The following COL24A1 variants were observed in gnomAD, a reference collection of about 807,000 sequenced individuals.
The protein encoded by COL24A1 is collagen type XXIV alpha 1 chain.
COL24A1 carries 224 observed loss-of-function variants against 253.9 expected under a neutral mutation model. The observed-to-expected ratio is 0.88, with a 90% CI of 0.79 to 0.99. The LOEUF is 0.99. Ranked by LOEUF, COL24A1 falls within the 50% of genes least tolerant of loss-of-function variation. COL24A1 has a pLI of 0.00. For synonymous variants in COL24A1, 685 were observed against 673.7 expected (o/e 1.02, Z -0.26); for missense variants, 2,131 against 2,068.5 (o/e 1.03, Z -0.59).
At chr1:85,905,472 T>A (rs554122344) in intron 28 of COL24A1, among the ~76,000 whole-genome samples, 73 of 152,248 alleles carry the variant, frequency 4.8e-4, no homozygotes, top group African/African-American at 1.7e-3. Flanking sequence ...ATGTTTTCTG[T>A]ATGCCCAATG....
chr1:85,913,391 A>G (rs1044797976), intron 24 of COL24A1, among the ~76,000 whole-genome samples: 21 of 152,066 alleles, frequency 1.4e-4, no homozygotes, highest in African/African-American at 5.1e-4. Context: ...TCCTATAACT[A>G]GTATTTTGGG....
At chr1:85,748,143 T>C (rs996783967) in intron 55 of COL24A1, among the ~76,000 whole-genome samples, 5 of 152,256 alleles carry the variant, frequency 3.3e-5, no homozygotes, top group Admixed American at 1.3e-4. Context: ...TTGAAATTTC[T>C]CACTGGCATC....
Position 85,938,733 on chromosome 1 carries a change from A to G in COL24A1, c.2562+22516T>C, listed in dbSNP as rs758819794. On this transcript the variant is annotated intron_variant, in intron 24 of 59. Transcript: ENST00000370571. ...TGTGGCCCAAGCTGTCAGTAGCTTC[A>G]TGGTTTGCCTTAGTTCCAGAGAGCC... Among the ~76,000 whole-genome samples the G allele has an allele frequency of 1.1e-4, 16 of 146,484 alleles. 2 individuals carry two copies. Among genetic ancestry groups the G allele is most frequent in the Non-Finnish European group, 2.3e-4 (15 of 66,392 alleles).
chr1:85,815,991 CT>C (rs1673007308), intron 47 of COL24A1, among the ~76,000 whole-genome samples: 1 of 151,910 alleles, frequency 6.6e-6, no homozygotes, highest in African/African-American at 2.4e-5. Context: ...TATTGCATTA[CT>C]TTTTTCCCAT....
chr1:86,136,378 A>G (rs1041526413), intron 2 of COL24A1, among the ~76,000 whole-genome samples: 2 of 152,072 alleles, frequency 1.3e-5, no homozygotes, highest in African/African-American at 2.4e-5. Flanking sequence ...ACCTTATTCC[A>G]TATGGCATCT....
intron 5 of COL24A1, among the ~76,000 whole-genome samples, chr1:86,104,374 T>C (rs1704743196): frequency 6.6e-6 from 1 of 152,208 alleles, no homozygotes; most frequent in African/African-American, 2.4e-5. Context: ...ATTCTATTTC[T>C]GTCATTTCAG....
chr1:86,100,625 C>T (rs1704362399), intron 5 of COL24A1, among the ~76,000 whole-genome samples: 1 of 152,058 alleles, frequency 6.6e-6, no homozygotes, highest in Admixed American at 6.6e-5. Flanking sequence ...ACGCTGGGAT[C>T]CCTAAATAGC....
intron 47 of COL24A1, among the ~76,000 whole-genome samples, chr1:85,813,275 G>A (rs1387748654): frequency 6.6e-6 from 1 of 151,712 alleles, no homozygotes; most frequent in Non-Finnish European, 1.5e-5. Flanking sequence ...TAGGGGGAGG[G>A]GAATGAGAGT....
chr1:85,835,016 TG>T (rs936603162), intron 43 of COL24A1, among the ~76,000 whole-genome samples: 126 of 152,284 alleles, frequency 8.3e-4, no homozygotes, highest in African/African-American at 3.0e-3. Context: ...ATGATGTCCA[TG>T]GGGGCAGAGA....
intron 12 of COL24A1, 142 bp from the exon 13 acceptor site, chr1:86,034,065 C>A: frequency 1.9e-6 from 1 of 531,288 alleles, no homozygotes; most frequent in Non-Finnish European, 3.2e-6. Context: ...TTGCATAACA[C>A]GCTTAATTGA....
chr1:85,891,528 T>A (rs1683134498), intron 31 of COL24A1, among the ~76,000 whole-genome samples: 1 of 152,212 alleles, frequency 6.6e-6, no homozygotes, highest in Non-Finnish European at 1.5e-5. Flanking sequence ...TAAGTTATAA[T>A]CTTTAATGCT....
chr1:85,921,924 T>C (rs1360528986), intron 24 of COL24A1, among the ~76,000 whole-genome samples: 1 of 151,980 alleles, frequency 6.6e-6, no homozygotes, highest in Non-Finnish European at 1.5e-5. Flanking sequence ...CCTTGAAAAA[T>C]GATTAGATGA....
intron 53 of COL24A1, among the ~76,000 whole-genome samples, chr1:85,770,761 A>T (rs574328861): frequency 6.6e-6 from 1 of 152,178 alleles, no homozygotes; most frequent in African/African-American, 2.4e-5. Flanking sequence ...GCATCCTAGA[A>T]ATGAGGGAAG....
intron 47 of COL24A1, among the ~76,000 whole-genome samples, chr1:85,812,367 C>T (rs1672636964): frequency 6.6e-6 from 1 of 152,156 alleles, no homozygotes; most frequent in South Asian, 2.1e-4. Context: ...AACCTCAGGC[C>T]TGATTTTTGG....
intron 47 of COL24A1, among the ~76,000 whole-genome samples, chr1:85,786,888 G>A (rs1669737682): frequency 6.6e-6 from 1 of 152,112 alleles, no homozygotes; most frequent in Non-Finnish European, 1.5e-5. Flanking sequence ...GCTAAAAATT[G>A]TTTAACTGGA....
At chr1:86,059,304 T>C (rs1003953685) in intron 8 of COL24A1, 130 bp from the exon 9 acceptor site, 6 of 519,712 alleles carry the variant, frequency 1.2e-5, no homozygotes, top group Non-Finnish European at 2.0e-5. Flanking sequence ...CTTATGTAAC[T>C]GAAATCACCT....
chr1:86,085,708 A>C lies in COL24A1; in HGVS notation c.1707+3466T>G, dbSNP rs184871098. Among the ~76,000 whole-genome samples the C allele has an allele frequency of 2.0e-5, 3 of 152,344 alleles. No homozygotes were observed. The East Asian group carries it at 5.8e-4, about 29-fold the overall frequency. On this transcript the variant is annotated intron_variant, in intron 7 of 59. Coordinates refer to ENST00000370571, the MANE Select transcript of COL24A1 (RefSeq NM_152890.7). ...CTTACCTGTTTTTTGGCAAAAATTCAGACACTCAGTAAGAACTAAAAATAT... is the reference window on the plus strand; with the variant it reads ...CTTACCTGTTTTTTGGCAAAAATTCCGACACTCAGTAAGAACTAAAAATAT...
chr1:85,764,465 C>T (rs1267897918), intron 53 of COL24A1, among the ~76,000 whole-genome samples: 3 of 33,244 alleles, frequency 9.0e-5, no homozygotes, highest in Non-Finnish European at 1.4e-4. Context: ...TACACACACA[C>T]ACACACACAC....
chr1:86,047,549 T>G (rs1225899817), intron 11 of COL24A1, among the ~76,000 whole-genome samples: 1 of 152,162 alleles, frequency 6.6e-6, no homozygotes, highest in Non-Finnish European at 1.5e-5. Context: ...ATGAGAAGAA[T>G]AACAATACCT....
Sources: allele counts gnomAD v4.1 joint callset (sites outside exome capture counted in the v4.1 genomes callset), GRCh38; gene constraint gnomAD v4.1.1; transcripts MANE v1.5; gene names NCBI Gene and HGNC (gene_info 2026-07-23, HGNC 2026-07-21).